The following RBFOX1 variants were observed in gnomAD, a reference collection of about 807,000 sequenced individuals.
The protein encoded by RBFOX1 is RNA binding protein fox-1 homolog 1.
In RBFOX1, 8 loss-of-function variants were observed where a neutral mutation model predicts 57.7. The observed-to-expected ratio is 0.14, with a 90% CI of 0.08 to 0.25. The LOEUF (loss-of-function observed/expected upper bound fraction) is 0.25, where lower values mean the gene tolerates loss of function less well. RBFOX1 is among the 10% of genes least tolerant of loss of function. The pLI is 1.00. For missense variants in RBFOX1, 611 were observed against 548.5 expected (o/e 1.11, Z -1.14); for synonymous variants, 326 against 222.4 (o/e 1.47, Z -4.15).
At chr16:6,212,738 A>AC (rs113096624) in intron 1 of RBFOX1, among the ~76,000 whole-genome samples, 2 of 151,780 alleles carry the variant, frequency 1.3e-5, no homozygotes, top group African/African-American at 2.4e-5. Flanking sequence ...CAAAAAAAAA[A>AC]CCCACTAATA....
chr16:6,228,897 C>G (rs1813866570), intron 1 of RBFOX1, among the ~76,000 whole-genome samples: 1 of 151,934 alleles, frequency 6.6e-6, no homozygotes, highest in African/African-American at 2.4e-5. Context: ...TCATGTTGTA[C>G]CTGATAAACA....
At chr16:7,102,066 A>G (rs1250453183) in intron 4 of RBFOX1, among the ~76,000 whole-genome samples, 3 of 152,130 alleles carry the variant, frequency 2.0e-5, no homozygotes, top group Non-Finnish European at 4.4e-5. Flanking sequence ...CCCCACCCAG[A>G]GGAGGGTGCT....
chr16:6,892,769 T>C (rs1047118193), intron 3 of RBFOX1, among the ~76,000 whole-genome samples: 3 of 96,304 alleles, frequency 3.1e-5, no homozygotes, highest in African/African-American at 1.2e-4. Flanking sequence ...AAAGCCTCCC[T>C]GTCTCCCTCT....
chr16:6,915,818 C>T (rs778079973), intron 3 of RBFOX1, among the ~76,000 whole-genome samples: 5 of 152,118 alleles, frequency 3.3e-5, no homozygotes, highest in Non-Finnish European at 7.3e-5. Context: ...TCGCAAAGTC[C>T]TGTAATTAGA....
intron 1 of RBFOX1, among the ~76,000 whole-genome samples, chr16:6,295,731 C>T (rs2078024745): frequency 6.6e-6 from 1 of 152,174 alleles, no homozygotes; most frequent in Non-Finnish European, 1.5e-5. Flanking sequence ...GTCCTCTTTC[C>T]TGAAATGAGG....
At chr16:5,945,228 C>T (rs1489610879) in intron 4 of RBFOX1, among the ~76,000 whole-genome samples, 1 of 152,158 alleles carries the variant, frequency 6.6e-6, no homozygotes, top group Non-Finnish European at 1.5e-5. Flanking sequence ...AAAAAAGCTG[C>T]CTGGCCCTTC....
At chr16:7,211,861 A>G (rs910199603) in intron 4 of RBFOX1, among the ~76,000 whole-genome samples, 1 of 152,126 alleles carries the variant, frequency 6.6e-6, no homozygotes, top group Non-Finnish European at 1.5e-5. Context: ...GCGTTTCCTA[A>G]TATAAATGCA....
intron 2 of RBFOX1, among the ~76,000 whole-genome samples, chr16:6,516,558 G>A (rs371094997): frequency 6.6e-6 from 1 of 152,056 alleles, no homozygotes; most frequent in Non-Finnish European, 1.5e-5. Flanking sequence ...TATAACCCTA[G>A]CACTTTGTAC....
intron 1 of RBFOX1, among the ~76,000 whole-genome samples, chr16:5,386,960 A>G (rs2066275564): frequency 6.6e-6 from 1 of 152,234 alleles, no homozygotes. Context: ...CTGAGGCAGT[A>G]GAATCTCTTG....
intron 2 of RBFOX1, among the ~76,000 whole-genome samples, chr16:6,621,993 G>C (rs947698638): frequency 1.3e-5 from 2 of 152,194 alleles, no homozygotes; most frequent in Non-Finnish European, 2.9e-5. Context: ...GTTCGTGTTA[G>C]CCAAAGGGGC....
At chr16:6,398,715 T>C (rs1014969517) in intron 2 of RBFOX1, among the ~76,000 whole-genome samples, 1 of 152,228 alleles carries the variant, frequency 6.6e-6, no homozygotes, top group African/African-American at 2.4e-5. Context: ...TATGCCTTTG[T>C]GGGGCACAGC....
chr16:7,368,732 A>T (rs2097511858), intron 4 of RBFOX1, among the ~76,000 whole-genome samples: 1 of 151,562 alleles, frequency 6.6e-6, no homozygotes, highest in African/African-American at 2.4e-5. Context: ...GTGAGCTGAG[A>T]TCACGCCCCT....
chr16:5,372,734 T>C (rs1290075231), intron 1 of RBFOX1, among the ~76,000 whole-genome samples: 1 of 152,202 alleles, frequency 6.6e-6, no homozygotes, highest in Non-Finnish European at 1.5e-5. Flanking sequence ...TCCCCTGAGA[T>C]TGAGATAAAC....
At chr16:6,501,655 T>C (rs1049474400) in intron 2 of RBFOX1, among the ~76,000 whole-genome samples, 4 of 152,136 alleles carry the variant, frequency 2.6e-5, no homozygotes, top group East Asian at 1.9e-4. Flanking sequence ...AACATTCTTA[T>C]AGACAAGGGC....
intron 2 of RBFOX1, among the ~76,000 whole-genome samples, chr16:6,420,748 G>C (rs809692): frequency 0.61 from 92,722 of 152,140 alleles, 29,271 homozygotes; most frequent in African/African-American, 0.78. Flanking sequence ...ACCAATATCA[G>C]TGCAGAGACC....
intron 3 of RBFOX1, among the ~76,000 whole-genome samples, chr16:6,662,129 G>A (rs962085952): frequency 1.4e-5 from 1 of 72,706 alleles, no homozygotes; most frequent in African/African-American, 4.3e-5. Context: ...CGAGGGCTGG[G>A]GGCGGGGTGA....
chr16:6,288,014 A>T (rs1297515643), intron 1 of RBFOX1, among the ~76,000 whole-genome samples: 1 of 152,166 alleles, frequency 6.6e-6, no homozygotes, highest in Admixed American at 6.6e-5. Flanking sequence ...TTCTGTCTAT[A>T]AACAAGCATC....
chr16:5,410,485 C>T (rs970401797), intron 1 of RBFOX1, among the ~76,000 whole-genome samples: 7 of 152,138 alleles, frequency 4.6e-5, no homozygotes, highest in East Asian at 1.9e-4. Context: ...TTCAAGATTT[C>T]GTCTTGCTTC....
intron 3 of RBFOX1, among the ~76,000 whole-genome samples, chr16:6,746,023 A>T (rs1473480183): frequency 6.6e-6 from 1 of 152,240 alleles, no homozygotes; most frequent in Non-Finnish European, 1.5e-5. Context: ...CATTTGCAAT[A>T]GCATTTTGAA....
Sources: allele counts gnomAD v4.1 joint callset (sites outside exome capture counted in the v4.1 genomes callset), GRCh38; gene constraint gnomAD v4.1.1; transcripts MANE v1.5; gene names NCBI Gene and HGNC (gene_info 2026-07-23, HGNC 2026-07-21).